Variants in AP3S1 observed in about 807,000 individuals in gnomAD.
The protein encoded by AP3S1 is adaptor related protein complex 3 subunit sigma 1.
In AP3S1, 12 loss-of-function variants were observed where a neutral mutation model predicts 21.3. The observed-to-expected ratio is 0.56, with a 90% CI of 0.36 to 0.91. The LOEUF (loss-of-function observed/expected upper bound fraction) is 0.91. Ranked by LOEUF, AP3S1 falls within the 40% of genes least tolerant of loss-of-function variation. The probability of loss-of-function intolerance (pLI) is 0.01; values close to 1 mark genes in which losing one functional copy is unlikely to be tolerated. For synonymous variants in AP3S1, 48 were observed against 78.4 expected (o/e 0.61, Z 2.05); for missense variants, 116 against 225.0 (o/e 0.52, Z 3.10).
At chr5:115,908,731 T>C (rs570402469) in intron 5 of AP3S1, among the ~76,000 whole-genome samples, 109 of 152,288 alleles carry the variant, frequency 7.2e-4, no homozygotes, top group Non-Finnish European at 1.3e-3. Context: ...GTCTAGAGAA[T>C]TGTCATGAGC....
chr5:115,895,974 A>G (rs540824869), intron 4 of AP3S1, among the ~76,000 whole-genome samples: 44 of 152,316 alleles, frequency 2.9e-4, no homozygotes, highest in African/African-American at 1.0e-3. Flanking sequence ...ACTTAGGAGG[A>G]AGAGATTCCA....
At chr5:115,856,630 A>C (rs1762821771) in intron 1 of AP3S1, among the ~76,000 whole-genome samples, 1 of 136,378 alleles carries the variant, frequency 7.3e-6, no homozygotes, top group African/African-American at 2.8e-5. Flanking sequence ...ATGCTCAACT[A>C]AGTTTTTAAA....
At chr5:115,843,763 C>T (rs1233189146) in intron 1 of AP3S1, among the ~76,000 whole-genome samples, 5 of 152,174 alleles carry the variant, frequency 3.3e-5, no homozygotes, top group Non-Finnish European at 7.3e-5. Context: ...GTATACTACT[C>T]GTATAGTGTA....
chr5:115,882,275 G>A (rs1749365143), intron 3 of AP3S1, among the ~76,000 whole-genome samples: 1 of 152,076 alleles, frequency 6.6e-6, no homozygotes, highest in South Asian at 2.1e-4. Context: ...TGGAGGAGAA[G>A]AGGCAGTCTG....
chr5:115,878,361 T>G (rs186903086), intron 3 of AP3S1, among the ~76,000 whole-genome samples: 35 of 152,366 alleles, frequency 2.3e-4, no homozygotes, highest in Non-Finnish European at 4.7e-4. Context: ...TTAATCCATC[T>G]TGACTTAATT....
At chr5:115,866,342 T>TAAG (rs1763618121) in intron 1 of AP3S1, among the ~76,000 whole-genome samples, 1 of 152,242 alleles carries the variant, frequency 6.6e-6, no homozygotes, top group Non-Finnish European at 1.5e-5. Context: ...TACTCATTTG[T>TAAG]AAGATAATCA....
chr5:115,865,200 CAA>C (rs1277441040), intron 1 of AP3S1, among the ~76,000 whole-genome samples: 2 of 151,924 alleles, frequency 1.3e-5, no homozygotes, highest in Non-Finnish European at 2.9e-5. Context: ...AACATGAAGA[CAA>C]AGAGGAAGCC....
chr5:115,870,933 C>T (rs1249362215), intron 3 of AP3S1, among the ~76,000 whole-genome samples: 4 of 152,202 alleles, frequency 2.6e-5, no homozygotes, highest in East Asian at 1.9e-4. Flanking sequence ...GCTAAAGTGA[C>T]AGCATTTGCT....
chr5:115,846,737 T>C (rs977033359), intron 1 of AP3S1, among the ~76,000 whole-genome samples: 3 of 152,208 alleles, frequency 2.0e-5, no homozygotes, highest in African/African-American at 7.2e-5. Context: ...GTGATCAAGA[T>C]AGAATTATCA....
intron 3 of AP3S1, among the ~76,000 whole-genome samples, chr5:115,894,654 A>G (rs1750595506): frequency 5.3e-5 from 8 of 152,192 alleles, no homozygotes; most frequent in Admixed American, 3.9e-4. Context: ...AGTAGTTTTT[A>G]GTGGTCTTTT....
intron 3 of AP3S1, among the ~76,000 whole-genome samples, chr5:115,871,594 A>G (rs1748255795): frequency 6.6e-6 from 1 of 151,988 alleles, no homozygotes; most frequent in Non-Finnish European, 1.5e-5. Flanking sequence ...TACTTTCCTT[A>G]TCCAGCTTAA....
chr5:115,903,942 G>A (rs1751428667), intron 5 of AP3S1: 1 of 151,972 alleles, frequency 6.6e-6, no homozygotes. Flanking sequence ...AATTAGCTGG[G>A]CACGTAGAGC....
chr5:115,865,139 A>G (rs1763513140), intron 1 of AP3S1, among the ~76,000 whole-genome samples: 1 of 151,978 alleles, frequency 6.6e-6, no homozygotes, highest in South Asian at 2.1e-4. Context: ...TGCCATACTT[A>G]AGACAACAAA....
At chr5:115,894,744 A>G (rs941261254) in intron 3 of AP3S1, among the ~76,000 whole-genome samples, 1 of 152,194 alleles carries the variant, frequency 6.6e-6, no homozygotes, top group Non-Finnish European at 1.5e-5. Flanking sequence ...CTCTTGATGG[A>G]TATTTCCTAA....
chr5:115,869,168 T>C (rs1199646331), intron 2 of AP3S1, among the ~76,000 whole-genome samples: 2 of 152,198 alleles, frequency 1.3e-5, no homozygotes, highest in African/African-American at 4.8e-5. Context: ...ATTCCTAAAT[T>C]ATTATTTCTA....
At position 115,871,011 on chromosome 5, in the gene AP3S1, A is replaced by G. The variant is rs550767139; in HGVS notation, c.273+883A>G. On this transcript the variant is annotated intron_variant, in intron 3 of 5. Transcript: ENST00000316788. ...CAGATGATACCTGCACACACAGTGG[A>G]TTAAATGACAGATGAGGAACGCCAA... Among the ~76,000 whole-genome samples, 247 of 152,344 alleles carry G rather than the reference A, an allele frequency of 1.6e-3. 1 individual carries two copies. The highest frequency in any genetic ancestry group is 0.01 in the South Asian group (50 of 4,830).
intron 3 of AP3S1, among the ~76,000 whole-genome samples, chr5:115,890,433 T>C (rs904421022): frequency 6.6e-6 from 1 of 152,222 alleles, no homozygotes; most frequent in Non-Finnish European, 1.5e-5. Context: ...CATTTTAATA[T>C]GGTTCAGACA....
chr5:115,882,204 A>G (rs1012431914), intron 3 of AP3S1, among the ~76,000 whole-genome samples: 5 of 152,018 alleles, frequency 3.3e-5, no homozygotes, highest in African/African-American at 9.7e-5. Context: ...ACTTCTGTCA[A>G]TTCATCAAAC....
At chr5:115,887,337 C>T (rs994105463) in intron 3 of AP3S1, among the ~76,000 whole-genome samples, 2 of 147,998 alleles carry the variant, frequency 1.4e-5, no homozygotes, top group Admixed American at 6.9e-5. Flanking sequence ...AAAGACTTTT[C>T]GTATCTTATA....
Sources: gnomAD v4.1 joint callset for allele counts (sites outside exome capture counted in the v4.1 genomes callset) on GRCh38, gnomAD v4.1.1 for gene constraint, MANE v1.5 for transcripts, NCBI Gene and HGNC (gene_info 2026-07-23, HGNC 2026-07-21) for gene names.